JAKMIP3: variants seen among roughly 807,000 people sequenced by gnomAD.
JAKMIP3 encodes the protein janus kinase and microtubule-interacting protein 3.
In JAKMIP3, 58 loss-of-function variants were observed where a neutral mutation model predicts 118.5. The observed-to-expected ratio is 0.49, with a 90% confidence interval of 0.40 to 0.61. The LOEUF (loss-of-function observed/expected upper bound fraction) is 0.61. Among genes scored for constraint, JAKMIP3 ranks in the 20% least tolerant of loss-of-function variants. JAKMIP3 has a pLI of 0.00. For synonymous variants in JAKMIP3, 486 were observed against 451.2 expected (o/e 1.08, Z -0.98); for missense variants, 950 against 1,109.0 (o/e 0.86, Z 2.04).
At chr10:132,045,413 C>T (rs545761030) in intron 1 of JAKMIP3, among the ~76,000 whole-genome samples, 2 of 152,234 alleles carry the variant, frequency 1.3e-5, no homozygotes, top group South Asian at 4.1e-4. Flanking sequence ...CTTAGCACTG[C>T]ATCACCCTCT....
At chr10:132,109,105 C>T (rs61864378) in intron 2 of JAKMIP3, among the ~76,000 whole-genome samples, 36,833 of 93,634 alleles carry the variant, frequency 0.39, 6,637 homozygotes, top group South Asian at 0.49. Context: ...TATATATATA[C>T]ACACACACAT....
rs985789996 is a variant in JAKMIP3, at chr10:132,117,971, G to A, written c.633+397G>A. Among the ~76,000 whole-genome samples, 1 of 152,186 alleles carries A rather than the reference G, an allele frequency of 6.6e-6. No individual in the cohort carries two copies. Among genetic ancestry groups the A allele is most frequent in the Non-Finnish European group, 1.5e-5 (1 of 68,032 alleles). On this transcript the variant is annotated intron_variant, in intron 3 of 23. Coordinates refer to ENST00000684848, the MANE Select transcript of JAKMIP3 (RefSeq NM_001323087.2). This position sits in a 1 kb window ranked among gnomAD's most constrained non-coding sequence, Gnocchi z 8.6. The stretch of plus-strand genomic sequence containing the variant: ...GTGTCCCGGGTCACACCTGACACCA[G>A]GCAGGGCTCAGTGTTTCGCAGCAGG...
chr10:132,177,228 AG>A (rs1166885282), intron 23 of JAKMIP3, among the ~76,000 whole-genome samples: 1 of 152,266 alleles, frequency 6.6e-6, no homozygotes, highest in Non-Finnish European at 1.5e-5. Flanking sequence ...GGCCGTTAAT[AG>A]GGGATGTCAT....
At chr10:132,142,162 T>G in intron 11 of JAKMIP3, 114 bp downstream of exon 11, 1 of 1,147,094 alleles carries the variant, frequency 8.7e-7, no homozygotes, top group Non-Finnish European at 1.2e-6. Flanking sequence ...GCCCCTCCTC[T>G]CCTGCCCTTG....
chr10:132,155,973 C>T (rs66521048), intron 19 of JAKMIP3, among the ~76,000 whole-genome samples: 13,667 of 152,166 alleles, frequency 0.09, 1,392 homozygotes, highest in East Asian at 0.52. Flanking sequence ...GGCTGCTGTG[C>T]GCTTAGCTTA....
chr10:132,149,924 CCCCACCCCCTCTG>C (rs1195504625), intron 15 of JAKMIP3, 45 bp from the exon 16 acceptor site: 1 of 358,462 alleles, frequency 2.8e-6, no homozygotes, highest in African/African-American at 8.0e-5. Context: ...CCCTGTCCTT[CCCCACCCCCTCTG>C]CCCACCCCGT....
At chr10:132,069,922 G>A (rs2026123) in intron 1 of JAKMIP3, among the ~76,000 whole-genome samples, 110,390 of 152,124 alleles carry the variant, frequency 0.73, 40,807 homozygotes, top group East Asian at 1. Context: ...GAGCACAGAC[G>A]GGGCTCGGTC....
chr10:132,052,859 T>A (rs2038138134), intron 1 of JAKMIP3, among the ~76,000 whole-genome samples: 1 of 152,246 alleles, frequency 6.6e-6, no homozygotes, highest in Admixed American at 6.5e-5. Flanking sequence ...GTGGGAATTC[T>A]GTGCACTTTC....
At chr10:132,057,986 G>A (rs1457509010) in intron 1 of JAKMIP3, among the ~76,000 whole-genome samples, 4 of 152,202 alleles carry the variant, frequency 2.6e-5, no homozygotes, top group Non-Finnish European at 4.4e-5. Flanking sequence ...CCGCATCCTG[G>A]GGCTGGACGG....
Position 132,145,141 on chromosome 10 carries a change from C to T in JAKMIP3, c.1637C>T (p.Ala546Val), listed in dbSNP as rs370911193. The change falls in exon 12 of 24, where the codon GCA becomes GTA. Residue 546 changes from alanine (A) to valine (V), a missense_variant. Coordinates refer to ENST00000684848, the MANE Select transcript of JAKMIP3 (RefSeq NM_001323087.2). ...REQLQAEVQR[A>V]QARIEDLEKA... The stretch of plus-strand genomic sequence containing the variant: ...CAGCTACAAGCCGAAGTGCAGAGGG[C>T]ACAGGCGCGGATAGAGGACCTGGAG... 1.9e-6 allele frequency: 3 copies of T among 1,612,528 alleles called. No individual in the cohort carries two copies. The highest frequency in any genetic ancestry group is 2.5e-6 in the Non-Finnish European group (3 of 1,179,758).
chr10:132,105,700 C>T (rs2045796416), intron 2 of JAKMIP3, among the ~76,000 whole-genome samples: 1 of 152,160 alleles, frequency 6.6e-6, no homozygotes, highest in South Asian at 2.1e-4. Flanking sequence ...TGCCCAGGTT[C>T]CTGGAAGGAG....
chr10:132,169,374 TC>T (rs1461031917), intron 23 of JAKMIP3, among the ~76,000 whole-genome samples: 1 of 152,072 alleles, frequency 6.6e-6, no homozygotes, highest in Non-Finnish European at 1.5e-5. Flanking sequence ...CGAGTGCGCC[TC>T]CCTCCGCTGC....
intron 1 of JAKMIP3, among the ~76,000 whole-genome samples, chr10:132,072,115 C>G (rs1166371579): frequency 1.3e-5 from 2 of 152,034 alleles, no homozygotes; most frequent in South Asian, 4.1e-4. Context: ...CCATGCCCGG[C>G]TAATTTTTAT....
At chr10:132,133,213 G>C (rs971776179) in intron 3 of JAKMIP3, 99 bp from the exon 4 acceptor site, 5 of 1,069,402 alleles carry the variant, frequency 4.7e-6, no homozygotes, top group Non-Finnish European at 7.0e-6. Context: ...TTTGCTTCCG[G>C]TCTCAGAGCC....
intron 23 of JAKMIP3, among the ~76,000 whole-genome samples, chr10:132,173,028 C>T (rs1293065422): frequency 4.5e-5 from 1 of 22,238 alleles, no homozygotes; most frequent in African/African-American, 1.9e-4. Flanking sequence ...TCTCTCTCTC[C>T]TTCCCTCTCT....
At chr10:132,143,591 C>T (rs1359390418) in intron 11 of JAKMIP3, 4 of 152,254 alleles carry the variant, frequency 2.6e-5, no homozygotes, top group African/African-American at 4.8e-5. Context: ...AATCTGATGC[C>T]GAGAAGTGCT....
In JAKMIP3 at chr10:132,136,060, A is replaced by G. The variant is rs768076215; in HGVS notation, c.1100A>G (p.Gln367Arg). 1.2e-6 allele frequency: 2 copies of G among 1,613,498 alleles called. No individual in the cohort carries two copies. The highest frequency in any genetic ancestry group is 2.2e-5 in the South Asian group (2 of 91,072). ...GAAAACAAGTTAAAATTTGTCACCC[A>G]GGAGAACATAGAAATGGTGAGGGGG... ...RMENKLKFVT[Q>R]ENIEMRQRAG... Residue 367 changes from glutamine (Q) to arginine (R), a missense_variant, in exon 6 of 24, where the codon CAG becomes CGG. Gln to Arg is a conservative substitution (Grantham distance 43). Coordinates refer to ENST00000684848, the MANE Select transcript of JAKMIP3 (RefSeq NM_001323087.2).
intron 3 of JAKMIP3, among the ~76,000 whole-genome samples, chr10:132,129,522 A>G (rs748553989): frequency 5.9e-5 from 9 of 152,068 alleles, no homozygotes; most frequent in African/African-American, 1.4e-4. Flanking sequence ...GGCAGCCCCA[A>G]CCAAATTCTG....
In JAKMIP3 at chr10:132,183,801, A is replaced by C. The variant is rs901050107; in HGVS notation, c.*2548A>C. ...ATTTCAGAACTGGGTTTTTGCCCCCAAAAAGGTAAATATGAGCATTTATCA... is the reference window on the plus strand; with the variant it reads ...ATTTCAGAACTGGGTTTTTGCCCCCCAAAAGGTAAATATGAGCATTTATCA... On this transcript the variant is annotated 3_prime_UTR_variant, in exon 24 of 24. Coordinates refer to ENST00000684848, the MANE Select transcript of JAKMIP3 (RefSeq NM_001323087.2). The C allele has an allele frequency of 3.9e-5, 6 of 152,238 alleles. No homozygotes were observed. Among genetic ancestry groups the C allele is most frequent in the African/African-American group, 1.4e-4 (6 of 41,458 alleles). 9.4% of individuals were successfully genotyped at this position (152,238 alleles called of 1,614,324 possible).
Sources: allele counts gnomAD v4.1 joint callset (sites outside exome capture counted in the v4.1 genomes callset), GRCh38; gene constraint gnomAD v4.1.1; non-coding constraint Gnocchi (gnomAD v3.1); transcripts MANE v1.5; gene names NCBI Gene and HGNC (gene_info 2026-07-23, HGNC 2026-07-21).